The following CLSTN2 variants were observed in gnomAD, a reference collection of about 807,000 sequenced individuals.
CLSTN2 encodes calsyntenin 2.
In CLSTN2, 48 loss-of-function variants were observed where a neutral mutation model predicts 101.2. The observed-to-expected ratio is 0.47, with a 90% CI of 0.38 to 0.60. CLSTN2 has a LOEUF of 0.60. Among genes scored for constraint, CLSTN2 ranks in the 20% least tolerant of loss-of-function variants. The pLI is 0.00. For missense variants in CLSTN2, 1,160 were observed against 1,238.2 expected, an observed-to-expected ratio of 0.94 and a Z score of 0.95; for synonymous variants, 481 against 463.6, an observed-to-expected ratio of 1.04 and a Z score of -0.48.
chr3:140,364,885 A>G (rs2087769329), intron 2 of CLSTN2, among the ~76,000 whole-genome samples: 1 of 152,204 alleles, frequency 6.6e-6, no homozygotes, highest in Non-Finnish European at 1.5e-5. Context: ...ACAGTGGTGA[A>G]TGAGAGAGAC....
rs557819559 is a variant in CLSTN2 at position 139,998,329 on chromosome 3, C to T, written c.109+62846C>T. Among the ~76,000 whole-genome samples, 341 of 86,702 alleles carry T rather than the reference C, an allele frequency of 3.9e-3. 5 individuals are homozygous for T. Among genetic ancestry groups the T allele is most frequent in the African/African-American group, 0.018 (297 of 16,130 alleles). The allele number at this position is 86,702 out of a possible 152,430, so 56.9% of individuals were successfully genotyped here. The stretch of plus-strand genomic sequence containing the variant: ...TGGGATAATGGGATAATAGTTCCCC[C>T]ACATGCCTTTTTTTTTTTTTTTTTT... On this transcript the variant is annotated intron_variant, in intron 1 of 16. Transcript: ENST00000458420.
intron 2 of CLSTN2, among the ~76,000 whole-genome samples, chr3:140,288,851 A>C (rs1157663635): frequency 6.6e-6 from 1 of 152,196 alleles, no homozygotes; most frequent in Non-Finnish European, 1.5e-5. Flanking sequence ...GGCATTCTCC[A>C]CAGTCCCCTG....
intron 2 of CLSTN2, among the ~76,000 whole-genome samples, chr3:140,193,261 G>GTTTTTTTTTTTTTTTT (rs367933711): frequency 1.7e-4 from 15 of 87,436 alleles, no homozygotes; most frequent in East Asian, 3.6e-4. Context: ...CTTTTTTATA[G>GTTTTTTTTTTTTTTTT]TTTTTTTTTT....
At chr3:140,461,361 C>G (rs1307207582) in intron 7 of CLSTN2, 1 of 152,230 alleles carries the variant, frequency 6.6e-6, no homozygotes, top group Non-Finnish European at 1.5e-5. Flanking sequence ...GAGCCAGCAT[C>G]CCAATGAGAC....
chr3:140,244,273 T>C (rs2086495772), intron 2 of CLSTN2, among the ~76,000 whole-genome samples: 2 of 152,164 alleles, frequency 1.3e-5, no homozygotes, highest in South Asian at 4.2e-4. Context: ...GGTTACCTGA[T>C]TGCATGAGGG....
intron 1 of CLSTN2, among the ~76,000 whole-genome samples, chr3:140,105,728 G>C (rs1033661250): frequency 6.6e-6 from 1 of 152,164 alleles, no homozygotes; most frequent in Admixed American, 6.5e-5. Context: ...GATAGAGAAG[G>C]CCTCATAGAC....
intron 2 of CLSTN2, among the ~76,000 whole-genome samples, chr3:140,224,216 T>G (rs2086299863): frequency 6.6e-6 from 1 of 152,212 alleles, no homozygotes; most frequent in South Asian, 2.1e-4. Flanking sequence ...CCCTCCTATT[T>G]GTGTGACCAA....
intron 1 of CLSTN2, among the ~76,000 whole-genome samples, chr3:140,045,505 T>G (rs141435956): frequency 0.06 from 9,093 of 152,196 alleles, 341 homozygotes; most frequent in Non-Finnish European, 0.079. Context: ...TTTTGAAGGG[T>G]TTTTTGTGTC....
chr3:140,277,181 T>G (rs1265762927), intron 2 of CLSTN2, among the ~76,000 whole-genome samples: 2 of 152,218 alleles, frequency 1.3e-5, no homozygotes, highest in African/African-American at 4.8e-5. Context: ...TGGTTATGTC[T>G]GTTATGAGTA....
chr3:140,089,824 C>T lies in CLSTN2; in HGVS notation c.110-86127C>T, dbSNP rs959691971. ...ATAGGGTTTTACCATGTTGCCCAGG[C>T]TAGTCTCAAACTCCTGGGCTCAAGT... On this transcript the variant is annotated intron_variant, in intron 1 of 16. Coordinates refer to ENST00000458420, the MANE Select transcript of CLSTN2 (RefSeq NM_022131.3). 4.0e-5 allele frequency among the ~76,000 whole-genome samples: 6 copies of T among 151,606 alleles called. No homozygotes were observed. In the East Asian group the frequency reaches 7.8e-4, roughly 20 times the overall value.
At chr3:140,141,881 G>A (rs1432297262) in intron 1 of CLSTN2, among the ~76,000 whole-genome samples, 1 of 152,228 alleles carries the variant, frequency 6.6e-6, no homozygotes, top group East Asian at 1.9e-4. Context: ...CCTGGAGGGA[G>A]TTTCATTGTT....
At chr3:140,357,456 C>T (rs746241810) in intron 2 of CLSTN2, among the ~76,000 whole-genome samples, 28 of 152,310 alleles carry the variant, frequency 1.8e-4, no homozygotes, top group South Asian at 6.2e-4. Flanking sequence ...CATGCCCATG[C>T]ATTCATACCT....
At chr3:140,451,072 C>T (rs1392746829) in intron 6 of CLSTN2, among the ~76,000 whole-genome samples, 2 of 152,142 alleles carry the variant, frequency 1.3e-5, no homozygotes, top group African/African-American at 4.8e-5. Context: ...GAAGGAATAC[C>T]CTACTTTGCT....
intron 1 of CLSTN2, among the ~76,000 whole-genome samples, chr3:140,139,625 A>C (rs2009666245): frequency 6.6e-6 from 1 of 152,140 alleles, no homozygotes. Flanking sequence ...CAGGGTGAAA[A>C]CCGCTGCTTC....
chr3:140,407,953 A>G (rs2088322564), intron 4 of CLSTN2, among the ~76,000 whole-genome samples: 1 of 152,194 alleles, frequency 6.6e-6, no homozygotes, highest in African/African-American at 2.4e-5. Flanking sequence ...AACACGAAGT[A>G]TGGGGCGATG....
chr3:140,237,575 G>A (rs1192228815), intron 2 of CLSTN2, among the ~76,000 whole-genome samples: 2 of 152,146 alleles, frequency 1.3e-5, no homozygotes, highest in Non-Finnish European at 2.9e-5. Context: ...TCTTAATGCA[G>A]GGAAACTGCT....
At chr3:139,965,974 G>A (rs1935591641) in intron 1 of CLSTN2, among the ~76,000 whole-genome samples, 1 of 152,202 alleles carries the variant, frequency 6.6e-6, no homozygotes, top group African/African-American at 2.4e-5. Context: ...TTGCCCTAGA[G>A]TGTGCTAGCA....
intron 1 of CLSTN2, among the ~76,000 whole-genome samples, chr3:139,947,092 T>C (rs1456520962): frequency 6.6e-6 from 1 of 152,214 alleles, no homozygotes; most frequent in Non-Finnish European, 1.5e-5. Context: ...TTCTTTGAAA[T>C]GGAGTGCATC....
At chr3:140,222,202 G>C (rs778193453) in intron 2 of CLSTN2, among the ~76,000 whole-genome samples, 1 of 152,122 alleles carries the variant, frequency 6.6e-6, no homozygotes, top group Non-Finnish European at 1.5e-5. Flanking sequence ...TATGTTAAAT[G>C]AAACAAGCTA....
Sources: gnomAD v4.1 joint callset for allele counts (sites outside exome capture counted in the v4.1 genomes callset) on GRCh38, gnomAD v4.1.1 for gene constraint, MANE v1.5 for transcripts, NCBI Gene and HGNC (gene_info 2026-07-23, HGNC 2026-07-21) for gene names.